The following MAST2 variants were observed in gnomAD, a reference collection of about 807,000 sequenced individuals.
MAST2 encodes the protein microtubule associated serine/threonine kinase 2, also known as microtubule-associated serine/threonine-protein kinase 2.
MAST2 carries 70 observed loss-of-function variants against 147.4 expected under a neutral mutation model. The ratio of observed to expected loss-of-function variants is 0.47; its 90% CI spans 0.39 to 0.58. The LOEUF (loss-of-function observed/expected upper bound fraction) is 0.58, where lower values mean the gene tolerates loss of function less well. MAST2 is among the 20% of genes least tolerant of loss of function. The pLI, the probability that MAST2 is intolerant of heterozygous loss-of-function variation, is 0.00. For synonymous variants in MAST2, 869 were observed against 896.8 expected, an observed-to-expected ratio of 0.97 and a Z score of 0.55; for missense variants, 2,080 against 2,302.3, an observed-to-expected ratio of 0.90 and a Z score of 1.98.
At chr1:45,939,320 A>C (rs1294214563) in intron 4 of MAST2, among the ~76,000 whole-genome samples, 1 of 152,152 alleles carries the variant, frequency 6.6e-6, no homozygotes, top group African/African-American at 2.4e-5. Context: ...ATTGACCACA[A>C]GTGTTAACAG....
intron 4 of MAST2, among the ~76,000 whole-genome samples, chr1:45,920,404 G>A (rs1653271770): frequency 6.6e-6 from 1 of 152,084 alleles, no homozygotes; most frequent in South Asian, 2.1e-4. Context: ...ACCCCCTTTT[G>A]CTGCTTCCTA....
rs555952143 is a variant in MAST2 at position 46,035,930 on chromosome 1, G to A, written c.5261G>A (p.Arg1754Lys). The change falls in exon 29 of 29, where the codon AGG (arginine) becomes AAG (lysine). Residue 1754 changes from arginine to lysine, a missense_variant. Transcript: ENST00000361297. This position sits in a 1 kb window ranked among gnomAD's most constrained non-coding sequence, Gnocchi z 5.5. Reference sequence around the variant, plus strand: ...GTGCCTGATGCCTCAGGTGACAGAAGGCAGGACGTTCCATGCCGAGGCTGC... The same window carrying A: ...GTGCCTGATGCCTCAGGTGACAGAAAGCAGGACGTTCCATGCCGAGGCTGC... ...TQVPDASGDR[R>K]QDVPCRGCPL... The A allele has an allele frequency of 6.2e-7, 1 of 1,614,068 alleles. No individual in the cohort carries two copies. Among genetic ancestry groups the A allele is most frequent in the African/African-American group, 1.3e-5 (1 of 75,052 alleles).
intron 3 of MAST2, among the ~76,000 whole-genome samples, chr1:45,832,274 G>A (rs1186771908): frequency 6.6e-6 from 1 of 151,722 alleles, no homozygotes; most frequent in Non-Finnish European, 1.5e-5. Context: ...TTAGTCACAA[G>A]CATCTGTGTT....
intron 15 of MAST2, 49 bp downstream of exon 15, chr1:46,024,029 A>G (rs769138023): frequency 6.3e-7 from 1 of 1,577,586 alleles, no homozygotes; most frequent in South Asian, 1.1e-5. Flanking sequence ...ACAGTCTGAG[A>G]CTTAGCCTTA....
chr1:45,905,387 A>G (rs1021089570), intron 4 of MAST2, among the ~76,000 whole-genome samples: 15 of 151,820 alleles, frequency 9.9e-5, no homozygotes, highest in Non-Finnish European at 2.2e-4. Flanking sequence ...GGATTTCACC[A>G]TGTTTGTCAG....
chr1:45,983,387 C>A (rs766149751), intron 5 of MAST2, among the ~76,000 whole-genome samples: 12 of 152,058 alleles, frequency 7.9e-5, no homozygotes, highest in Non-Finnish European at 1.6e-4. Context: ...ATTATCATGG[C>A]CTTATGGAAG....
At chr1:45,997,265 A>C (rs1350048750) in intron 5 of MAST2, among the ~76,000 whole-genome samples, 1 of 152,158 alleles carries the variant, frequency 6.6e-6, no homozygotes, top group African/African-American at 2.4e-5. Context: ...TTTCCCCTTA[A>C]AACACACATG....
intron 3 of MAST2, among the ~76,000 whole-genome samples, chr1:45,849,178 A>G (rs918178966): frequency 2.0e-5 from 3 of 152,202 alleles, no homozygotes; most frequent in Admixed American, 6.5e-5. Flanking sequence ...TACAGATTCA[A>G]TGCTATTCCT....
chr1:45,913,105 T>C (rs1651928239), intron 4 of MAST2, among the ~76,000 whole-genome samples: 1 of 152,180 alleles, frequency 6.6e-6, no homozygotes. Flanking sequence ...ACAAGAATGA[T>C]TAGAGAGTAA....
At position 45,817,834 on chromosome 1, in the gene MAST2, CATT is replaced by C. The variant is rs1476192930; in HGVS notation, c.178-6596_178-6594del. Among the ~76,000 whole-genome samples the C allele has an allele frequency of 2.0e-5, 3 of 152,146 alleles. 1 individual carries two copies. In the East Asian group the frequency reaches 5.8e-4, roughly 29 times the overall value. ...TGGTTTTGGACTGTGAATTTTAAATCATTATAACTAGGCTCAAACACATCTTTA... is the reference window on the plus strand; with the variant it reads ...TGGTTTTGGACTGTGAATTTTAAATCATAACTAGGCTCAAACACATCTTTA... On this transcript the variant is annotated intron_variant, in intron 1 of 28. Coordinates refer to ENST00000361297, the MANE Select transcript of MAST2 (RefSeq NM_015112.3).
chr1:45,900,799 A>C (rs998691355), intron 4 of MAST2, among the ~76,000 whole-genome samples: 16 of 152,048 alleles, frequency 1.1e-4, no homozygotes, highest in African/African-American at 3.6e-4. Context: ...TTTGTTGGTC[A>C]CTTGTCTTCT....
chr1:46,033,696 A>C, intron 26 of MAST2, 106 bp from the exon 27 acceptor site: 1 of 1,441,196 alleles, frequency 6.9e-7, no homozygotes. Context: ...TGCAGGGACA[A>C]AAAGCTGGAG....
At chr1:45,923,287 G>A (rs989192776) in intron 4 of MAST2, among the ~76,000 whole-genome samples, 3 of 152,166 alleles carry the variant, frequency 2.0e-5, no homozygotes, top group Admixed American at 6.5e-5. Flanking sequence ...CGTCTGCACC[G>A]GAAGACCCGT....
intron 3 of MAST2, among the ~76,000 whole-genome samples, chr1:45,841,386 T>A (rs1645270385): frequency 6.6e-6 from 1 of 152,078 alleles, no homozygotes; most frequent in Non-Finnish European, 1.5e-5. Flanking sequence ...TATTAGTAGC[T>A]GTGATACAGT....
intron 4 of MAST2, among the ~76,000 whole-genome samples, chr1:45,922,333 TC>T (rs1327345552): frequency 6.6e-6 from 1 of 152,176 alleles, no homozygotes; most frequent in African/African-American, 2.4e-5. Context: ...TGGACCAGCT[TC>T]TCTCCACCCA....
intron 4 of MAST2, among the ~76,000 whole-genome samples, chr1:45,950,493 C>G (rs187926944): frequency 6.6e-6 from 1 of 152,116 alleles, no homozygotes; most frequent in Non-Finnish European, 1.5e-5. Context: ...AAAGGAAAGA[C>G]GTCTCCCTTG....
chr1:46,029,052 A>G, intron 18 of MAST2, 119 bp downstream of exon 18: 1 of 1,150,648 alleles, frequency 8.7e-7, no homozygotes, highest in Admixed American at 2.5e-5. Flanking sequence ...TGTGTTTGTG[A>G]TGTCTGCTGC....
intron 4 of MAST2, among the ~76,000 whole-genome samples, chr1:45,914,780 A>T (rs1652213062): frequency 1.3e-5 from 2 of 152,040 alleles, no homozygotes; most frequent in African/African-American, 4.8e-5. Context: ...GACACACTTT[A>T]AAAAAAACCT....
chr1:45,821,515 C>CTTTTTTTTTTTTTTTTTTT (rs59159342), intron 1 of MAST2, among the ~76,000 whole-genome samples: 1 of 70,924 alleles, frequency 1.4e-5, no homozygotes, highest in African/African-American at 6.1e-5. Context: ...GTTATTTCTT[C>CTTTTTTTTTTTTTTTTTTT]TTTTTTTTTT....
Sources: allele counts gnomAD v4.1 joint callset (sites outside exome capture counted in the v4.1 genomes callset), GRCh38; gene constraint gnomAD v4.1.1; non-coding constraint Gnocchi (gnomAD v3.1); transcripts MANE v1.5; gene names NCBI Gene and HGNC (gene_info 2026-07-23, HGNC 2026-07-21).